The following BABAM2 variants were observed in gnomAD, a reference collection of about 807,000 sequenced individuals.
BABAM2 encodes the protein BRISC and BRCA1-A complex member 2.
Under a neutral mutation model 54.7 loss-of-function variants are expected in BABAM2, and 31 were observed. The observed-to-expected ratio is 0.57, with a 90% CI of 0.43 to 0.77. The LOEUF (loss-of-function observed/expected upper bound fraction) is 0.77, where lower values mean the gene tolerates loss of function less well. BABAM2 is among the 30% of genes least tolerant of loss of function. BABAM2 has a pLI of 0.00. For synonymous variants in BABAM2, 167 were observed against 162.9 expected (o/e 1.03, Z -0.19); for missense variants, 364 against 455.8 (o/e 0.80, Z 1.83).
intron 7 of BABAM2, among the ~76,000 whole-genome samples, chr2:28,165,054 A>C (rs932852283): frequency 2.0e-5 from 3 of 152,166 alleles, no homozygotes; most frequent in African/African-American, 7.2e-5. Flanking sequence ...TTTAGCTCCT[A>C]CTGTGTCCCA....
intron 11 of BABAM2, among the ~76,000 whole-genome samples, chr2:28,332,036 C>A (rs185564736): frequency 7.2e-5 from 11 of 152,274 alleles, no homozygotes; most frequent in Admixed American, 7.2e-4. Context: ...GAGCTATAAG[C>A]CATTATCCTC....
rs375750093 is a variant in BABAM2, at chr2:28,251,153, CTGTT to C, written c.934+6296_934+6299del. On this transcript the variant is annotated intron_variant, in intron 10 of 11. Transcript: ENST00000379624. The stretch of plus-strand genomic sequence containing the variant: ...TCTTTCTGTATTTGTCTTTAACTAT[CTGTT>C]TGTTCATTTGTTCATTCATTGGTTT... 1.3e-4 allele frequency among the ~76,000 whole-genome samples: 19 copies of C among 151,622 alleles called. No individual in the cohort carries two copies. The South Asian group carries it at 2.9e-3, about 23-fold the overall frequency.
chr2:28,244,883 A>G, intron 10 of BABAM2, 21 bp downstream of exon 10: 1 of 1,598,108 alleles, frequency 6.3e-7, no homozygotes. Context: ...TTTTGCTGTC[A>G]GCATGTCAGC....
At chr2:27,900,083 T>G (rs1665661500) in intron 2 of BABAM2, among the ~76,000 whole-genome samples, 1 of 152,238 alleles carries the variant, frequency 6.6e-6, no homozygotes, top group Non-Finnish European at 1.5e-5. Context: ...AAAGAATGGC[T>G]TCTTTTTGGT....
At chr2:28,132,264 G>C (rs1404752469) in intron 7 of BABAM2, among the ~76,000 whole-genome samples, 1 of 151,060 alleles carries the variant, frequency 6.6e-6, no homozygotes, top group Non-Finnish European at 1.5e-5. Context: ...TCAGCCTCCC[G>C]AGTAGCTGGG....
At position 28,026,917 on chromosome 2, in the gene BABAM2, A is replaced by G. The variant is rs13410018; in HGVS notation, c.495+1497A>G. Reference sequence around the variant, plus strand: ...ATATAAATATATATAAATATATATTAATATATATAAATATATATATAAATA... The same window carrying G: ...ATATAAATATATATAAATATATATTGATATATATAAATATATATATAAATA... On this transcript the variant is annotated intron_variant, in intron 5 of 11. Coordinates refer to ENST00000379624, the MANE Select transcript of BABAM2 (RefSeq NM_199191.3). Among the ~76,000 whole-genome samples, 13 of 29,478 alleles carry G rather than the reference A, an allele frequency of 4.4e-4. 1 individual carries two copies. Among genetic ancestry groups the G allele is most frequent in the African/African-American group, 7.7e-4 (7 of 9,056 alleles). The allele number at this position is 29,478 out of a possible 152,430, so 19.3% of individuals were successfully genotyped here.
intron 10 of BABAM2, among the ~76,000 whole-genome samples, chr2:28,267,519 C>A (rs1685088551): frequency 6.6e-6 from 1 of 152,130 alleles, no homozygotes. Flanking sequence ...ACACCTATAA[C>A]AAGCAACCCC....
intron 7 of BABAM2, among the ~76,000 whole-genome samples, chr2:28,215,411 T>C (rs1476663787): frequency 1.3e-5 from 2 of 152,218 alleles, no homozygotes. Flanking sequence ...GCATTTAATA[T>C]GTGTTAGCTG....
At chr2:28,228,619 A>G (rs1056676092) in intron 7 of BABAM2, among the ~76,000 whole-genome samples, 2 of 152,186 alleles carry the variant, frequency 1.3e-5, no homozygotes, top group Non-Finnish European at 2.9e-5. Context: ...TAATGCAATC[A>G]ACAGCAGGTA....
At chr2:28,165,529 C>CCTT (rs1388699279) in intron 7 of BABAM2, among the ~76,000 whole-genome samples, 2 of 72,256 alleles carry the variant, frequency 2.8e-5, no homozygotes, top group Non-Finnish European at 4.8e-5. Flanking sequence ...TTTTTCCTTG[C>CCTT]TTTTTTTTTT....
At chr2:28,070,247 A>G (rs1663997158) in intron 6 of BABAM2, among the ~76,000 whole-genome samples, 1 of 152,192 alleles carries the variant, frequency 6.6e-6, no homozygotes, top group Non-Finnish European at 1.5e-5. Context: ...TAATTTGCAC[A>G]ACAGCTTTCT....
chr2:28,189,107 A>G (rs2147912413), intron 7 of BABAM2, among the ~76,000 whole-genome samples: 2 of 152,194 alleles, frequency 1.3e-5, no homozygotes, highest in African/African-American at 4.8e-5. Flanking sequence ...AGTCTGAGGC[A>G]GGAGAATCAC....
chr2:27,892,425 C>A (rs1664933838), intron 1 of BABAM2: 1 of 152,082 alleles, frequency 6.6e-6, no homozygotes, highest in South Asian at 2.1e-4. Flanking sequence ...GGGAAAAACA[C>A]AGAAGAACAA....
intron 6 of BABAM2, among the ~76,000 whole-genome samples, chr2:28,127,320 G>C (rs1669639203): frequency 6.6e-6 from 1 of 152,186 alleles, no homozygotes; most frequent in Non-Finnish European, 1.5e-5. Flanking sequence ...GTCAAATACT[G>C]TTTAGACATC....
intron 10 of BABAM2, among the ~76,000 whole-genome samples, chr2:28,259,339 G>A (rs1232943698): frequency 1.3e-5 from 2 of 151,910 alleles, no homozygotes; most frequent in African/African-American, 4.8e-5. Flanking sequence ...ACCCACCTCG[G>A]CCTCCCAAAG....
intron 7 of BABAM2, among the ~76,000 whole-genome samples, chr2:28,154,770 A>G (rs1558389249): frequency 6.6e-6 from 1 of 152,228 alleles, no homozygotes; most frequent in Non-Finnish European, 1.5e-5. Flanking sequence ...TGAGAATAGA[A>G]AAGGTTAAAT....
rs536275557 is a variant in BABAM2 at position 28,318,863 on chromosome 2, G to A, written c.1089-19587G>A. Among the ~76,000 whole-genome samples the A allele has an allele frequency of 2.0e-3, 306 of 152,284 alleles. 2 individuals carry two copies. The highest frequency in any genetic ancestry group is 7.2e-3 in the African/African-American group (299 of 41,552). On this transcript the variant is annotated intron_variant, in intron 11 of 11. Transcript: ENST00000379624. ...CCCACCTGGAAGAGAATGCTGATTC[G>A]TCTGCTTAATAAACATGGCAGGAAA...
At chr2:28,151,186 T>C (rs531770789) in intron 7 of BABAM2, among the ~76,000 whole-genome samples, 1 of 152,196 alleles carries the variant, frequency 6.6e-6, no homozygotes, top group Non-Finnish European at 1.5e-5. Flanking sequence ...CTGCAGCTCT[T>C]TTTGCTGACT....
At chr2:28,335,162 T>C (rs1184950742) in intron 11 of BABAM2, among the ~76,000 whole-genome samples, 11 of 133,238 alleles carry the variant, frequency 8.3e-5, no homozygotes, top group Non-Finnish European at 8.0e-5. Context: ...TTCTTTTTTT[T>C]TTTTTTTTTT....
Sources: gnomAD v4.1 joint callset for allele counts (sites outside exome capture counted in the v4.1 genomes callset) on GRCh38, gnomAD v4.1.1 for gene constraint, MANE v1.5 for transcripts, NCBI Gene and HGNC (gene_info 2026-07-23, HGNC 2026-07-21) for gene names.